The following SH3BGR variants were observed in gnomAD, a reference collection of about 807,000 sequenced individuals.
SH3BGR encodes SH3 domain-binding glutamic acid-rich protein.
In SH3BGR, 29 loss-of-function variants were observed where a neutral mutation model predicts 24.5. That is an observed-to-expected ratio of 1.18 (90% CI 0.88 to 1.61). The LOEUF (loss-of-function observed/expected upper bound fraction) is 1.61, where lower values mean the gene tolerates loss of function less well. SH3BGR is among the 40% of genes most tolerant of loss of function. The pLI is 0.00. For synonymous variants in SH3BGR, 55 were observed against 65.7 expected (o/e 0.84, Z 0.79); for missense variants, 162 against 205.8 (o/e 0.79, Z 1.30).
At chr21:39,504,958 A>AC (rs1349439005) in intron 4 of SH3BGR, among the ~76,000 whole-genome samples, 1 of 152,128 alleles carries the variant, frequency 6.6e-6, no homozygotes, top group Non-Finnish European at 1.5e-5. Context: ...GACTATAGGC[A>AC]CAGGCCACCA....
intron 3 of SH3BGR, among the ~76,000 whole-genome samples, chr21:39,479,589 A>G (rs2078098564): frequency 6.6e-6 from 1 of 151,922 alleles, no homozygotes; most frequent in Non-Finnish European, 1.5e-5. Context: ...CAGAATGTGA[A>G]CTTCTTATAT....
At chr21:39,510,872 T>A (rs1386432590) in intron 5 of SH3BGR, among the ~76,000 whole-genome samples, 1 of 144,674 alleles carries the variant, frequency 6.9e-6, no homozygotes, top group East Asian at 2.0e-4. Context: ...CTGACAAAAT[T>A]CAATTTGCTG....
At chr21:39,457,674 G>A (rs1025171991) in intron 1 of SH3BGR, among the ~76,000 whole-genome samples, 24 of 151,862 alleles carry the variant, frequency 1.6e-4, no homozygotes, top group African/African-American at 5.6e-4. Context: ...GGTCTTGCCT[G>A]TAATCCCAGC....
At chr21:39,476,024 G>A (rs892432873) in intron 3 of SH3BGR, among the ~76,000 whole-genome samples, 9 of 152,348 alleles carry the variant, frequency 5.9e-5, no homozygotes, top group South Asian at 2.1e-4. Flanking sequence ...AGACACACAC[G>A]TGGAAGCTGC....
At chr21:39,500,533 G>T (rs1370528854) in intron 4 of SH3BGR, among the ~76,000 whole-genome samples, 1 of 152,032 alleles carries the variant, frequency 6.6e-6, no homozygotes, top group African/African-American at 2.4e-5. Flanking sequence ...GACATAATAG[G>T]GGATGGGATG....
At chr21:39,492,466 GTATA>G (rs575260270) in intron 3 of SH3BGR, among the ~76,000 whole-genome samples, 12 of 139,766 alleles carry the variant, frequency 8.6e-5, no homozygotes, top group South Asian at 6.8e-4. Context: ...GTGTGTGTGT[GTATA>G]TATATATATA....
At chr21:39,496,296 C>T (rs367589428) in intron 3 of SH3BGR, among the ~76,000 whole-genome samples, 202 of 151,788 alleles carry the variant, frequency 1.3e-3, no homozygotes, top group African/African-American at 4.5e-3. Context: ...GTCAGGAGAT[C>T]GAGACCATCC....
At chr21:39,508,874 A>G in intron 4 of SH3BGR, 124 bp from the exon 5 acceptor site, 1 of 625,986 alleles carries the variant, frequency 1.6e-6, no homozygotes. Context: ...TATTTTATGG[A>G]TAAACTAATG....
intron 2 of SH3BGR, among the ~76,000 whole-genome samples, chr21:39,474,715 C>T (rs1460905558): frequency 6.6e-6 from 1 of 152,124 alleles, no homozygotes; most frequent in Non-Finnish European, 1.5e-5. Context: ...TGCATCTGGG[C>T]CCTTAGAGAT....
intron 4 of SH3BGR, among the ~76,000 whole-genome samples, chr21:39,502,738 G>A (rs1483278636): frequency 6.6e-6 from 1 of 152,192 alleles, no homozygotes; most frequent in Non-Finnish European, 1.5e-5. Flanking sequence ...CTGTGGTGGT[G>A]TTTCTGCTGT....
intron 2 of SH3BGR, among the ~76,000 whole-genome samples, chr21:39,470,786 T>C (rs560236434): frequency 6.6e-6 from 1 of 152,338 alleles, no homozygotes; most frequent in Non-Finnish European, 1.5e-5. Context: ...TCTGGAATTA[T>C]TTTCTTCTTC....
chr21:39,469,916 A>G (rs1002172109), intron 2 of SH3BGR, among the ~76,000 whole-genome samples: 1 of 152,106 alleles, frequency 6.6e-6, no homozygotes, highest in South Asian at 2.1e-4. Flanking sequence ...TTGGCCTCCC[A>G]AAGTGCAGGG....
rs116514128 is a variant in SH3BGR at position 39,501,266 on chromosome 21, C to A, written c.405+1351C>A. On this transcript the variant is annotated intron_variant, in intron 4 of 6. Transcript: ENST00000333634. ...CAGCCCCTTTCTCCCGTGAGACCAG[C>A]AGGAAGGTAGCATATTTATAATCAG... Among the ~76,000 whole-genome samples, 326 of 152,286 alleles carry A rather than the reference C, an allele frequency of 2.1e-3. 1 individual carries two copies. The highest frequency in any genetic ancestry group is 7.2e-3 in the African/African-American group (298 of 41,566).
intron 2 of SH3BGR, among the ~76,000 whole-genome samples, chr21:39,470,390 CTGGG>C (rs2077918441): frequency 6.6e-6 from 1 of 152,040 alleles, no homozygotes; most frequent in Non-Finnish European, 1.5e-5. Context: ...TCCTGAGTAG[CTGGG>C]ATTACAGGCA....
chr21:39,487,192 G>C (rs544673743), intron 3 of SH3BGR, among the ~76,000 whole-genome samples: 31 of 152,244 alleles, frequency 2.0e-4, no homozygotes, highest in Admixed American at 1.8e-3. Flanking sequence ...TCCCAGGCTG[G>C]AGTGCAGTGG....
At chr21:39,470,310 G>A (rs1327349284) in intron 2 of SH3BGR, among the ~76,000 whole-genome samples, 1 of 151,608 alleles carries the variant, frequency 6.6e-6, no homozygotes, top group African/African-American at 2.4e-5. Context: ...CCAGGCTGGA[G>A]TGCAGTCGTG....
At chr21:39,504,032 A>T (rs2078541390) in intron 4 of SH3BGR, among the ~76,000 whole-genome samples, 1 of 152,256 alleles carries the variant, frequency 6.6e-6, no homozygotes, top group South Asian at 2.1e-4. Flanking sequence ...GCAGACTGGG[A>T]CATCATGAGA....
At chr21:39,507,865 TC>T (rs1438849145) in intron 4 of SH3BGR, among the ~76,000 whole-genome samples, 1 of 151,604 alleles carries the variant, frequency 6.6e-6, no homozygotes, top group Non-Finnish European at 1.5e-5. Flanking sequence ...AAGTGATCCT[TC>T]CATCTCAGCC....
rs568713412 is a variant in SH3BGR at position 39,504,979 on chromosome 21, A to G, written c.406-4019A>G. Among the ~76,000 whole-genome samples, 343 of 152,132 alleles carry G rather than the reference A, an allele frequency of 2.3e-3. 1 individual carries two copies. Among genetic ancestry groups the G allele is most frequent in the African/African-American group, 7.7e-3 (318 of 41,504 alleles). On this transcript the variant is annotated intron_variant, in intron 4 of 6. Coordinates refer to ENST00000333634, the MANE Select transcript of SH3BGR (RefSeq NM_007341.3). ...AGGCACAGGCCACCACACCCAGCTA[A>G]TTTTTACATTTTTTGTAGAGATGGG...
Sources: allele counts gnomAD v4.1 joint callset (sites outside exome capture counted in the v4.1 genomes callset), GRCh38; gene constraint gnomAD v4.1.1; transcripts MANE v1.5; gene names NCBI Gene and HGNC (gene_info 2026-07-23, HGNC 2026-07-21).